The following CFAP20DC variants were observed in gnomAD, a reference collection of about 807,000 sequenced individuals.
CFAP20DC encodes the protein CFAP20 domain containing, also known as protein CFAP20DC.
Under a neutral mutation model 101.7 loss-of-function variants are expected in CFAP20DC, and 84 were observed. That is an observed-to-expected ratio of 0.83 (90% CI 0.69 to 0.99). CFAP20DC has a LOEUF of 0.99. Ranked by LOEUF, CFAP20DC falls within the 50% of genes least tolerant of loss-of-function variation. CFAP20DC has a pLI of 0.00. For missense variants in CFAP20DC, 1,007 were observed against 970.3 expected, an observed-to-expected ratio of 1.04 and a Z score of -0.50; for synonymous variants, 359 against 351.2, an observed-to-expected ratio of 1.02 and a Z score of -0.25.
intron 4 of CFAP20DC, among the ~76,000 whole-genome samples, chr3:58,968,090 T>A (rs975807941): frequency 1.2e-4 from 18 of 152,216 alleles, no homozygotes; most frequent in African/African-American, 4.3e-4. Context: ...ATGTACCACA[T>A]TTTCTTCATC....
intron 5 of CFAP20DC, among the ~76,000 whole-genome samples, chr3:58,932,242 A>G (rs1345196069): frequency 6.6e-6 from 1 of 152,150 alleles, no homozygotes; most frequent in Non-Finnish European, 1.5e-5. Flanking sequence ...AAAAAGAAAC[A>G]AACAAAGCCT....
chr3:58,739,113 G>A (rs757502280), downstream of CFAP20DC, among the ~76,000 whole-genome samples: 9 of 152,120 alleles, frequency 5.9e-5, no homozygotes, highest in African/African-American at 2.2e-4. Context: ...TGGCAAAAGT[G>A]TCTATGTATT....
At chr3:58,994,768 G>T (rs1201968042) in intron 4 of CFAP20DC, among the ~76,000 whole-genome samples, 2 of 151,560 alleles carry the variant, frequency 1.3e-5, no homozygotes, top group East Asian at 1.9e-4. Context: ...AGGAGAGAAA[G>T]GATGGTTGGA....
intron 3 of CFAP20DC, among the ~76,000 whole-genome samples, chr3:58,734,784 C>T (rs1423428643): frequency 6.6e-6 from 1 of 152,146 alleles, no homozygotes; most frequent in Non-Finnish European, 1.5e-5. Context: ...GTTTCAGTTC[C>T]TTCACAGCCC....
At chr3:58,769,010 T>G (rs1180515843) in intron 15 of CFAP20DC, among the ~76,000 whole-genome samples, 1 of 152,108 alleles carries the variant, frequency 6.6e-6, no homozygotes, top group African/African-American at 2.4e-5. Flanking sequence ...GGGATCCAAA[T>G]GGAACCGTAT....
chr3:58,795,367 G>A lies in CFAP20DC; in HGVS notation c.2237+11028C>T, dbSNP rs977270290. 2.6e-5 allele frequency among the ~76,000 whole-genome samples: 4 copies of A among 152,196 alleles called. No individual in the cohort carries two copies. The highest frequency in any genetic ancestry group is 6.5e-5 in the Admixed American group (1 of 15,282). ...AGATGTCAAGATTCTGCCAGGTGCC[G>A]TGGCTCACGCCTGTAACCCAGCCCT... On this transcript the variant is annotated intron_variant, in intron 15 of 16. Coordinates refer to ENST00000482387, the MANE Select transcript of CFAP20DC (RefSeq NM_001394063.1). This position sits in a 1 kb window ranked among gnomAD's most constrained non-coding sequence, Gnocchi z 4.2.
chr3:58,891,637 C>T (rs1456365667), intron 6 of CFAP20DC, among the ~76,000 whole-genome samples: 1 of 151,888 alleles, frequency 6.6e-6, no homozygotes, highest in African/African-American at 2.4e-5. Context: ...GTCCTTTGCC[C>T]ACTTTTTAAT....
Position 58,913,955 on chromosome 3 carries a change from G to C in CFAP20DC, c.394-91C>G, listed in dbSNP as rs1336611888. The C allele has an allele frequency of 1.5e-6, 2 of 1,352,094 alleles. No homozygotes were observed. The highest frequency in any genetic ancestry group is 2.1e-6 in the Non-Finnish European group (2 of 972,480). 83.8% of individuals were successfully genotyped at this position (1,352,094 alleles called of 1,614,324 possible). On this transcript the variant is annotated intron_variant, in intron 5 of 16. Coordinates refer to ENST00000482387, the MANE Select transcript of CFAP20DC (RefSeq NM_001394063.1). The surrounding 1 kb of genome is among the most constrained non-coding windows in gnomAD (Gnocchi z 4.4). ...ATATGTAGACATTCAAAGAGTTGAGGCAGTTATCCTGATCAACAAGCCCCA... is the reference window on the plus strand; with the variant it reads ...ATATGTAGACATTCAAAGAGTTGAGCCAGTTATCCTGATCAACAAGCCCCA...
intron 4 of CFAP20DC, among the ~76,000 whole-genome samples, chr3:58,941,635 C>A (rs1478733539): frequency 1.3e-5 from 2 of 151,794 alleles, no homozygotes; most frequent in Non-Finnish European, 2.9e-5. Flanking sequence ...GTGGCATGAT[C>A]TTGGCTCACT....
intron 4 of CFAP20DC, among the ~76,000 whole-genome samples, chr3:59,005,687 A>G (rs1450576154): frequency 6.6e-6 from 1 of 152,208 alleles, no homozygotes; most frequent in Non-Finnish European, 1.5e-5. Context: ...TTACATAACT[A>G]TCATTAGCTC....
At chr3:58,948,725 A>C (rs537402022) in intron 4 of CFAP20DC, among the ~76,000 whole-genome samples, 110 of 152,344 alleles carry the variant, frequency 7.2e-4, no homozygotes, top group African/African-American at 2.5e-3. Flanking sequence ...ATCGATGTTC[A>C]TCAGGGATAT....
chr3:58,783,925 A>T (rs2072076984), intron 15 of CFAP20DC, among the ~76,000 whole-genome samples: 1 of 152,030 alleles, frequency 6.6e-6, no homozygotes, highest in African/African-American at 2.4e-5. Context: ...TGTGATGCTG[A>T]GGTTTGGGGT....
intron 14 of CFAP20DC, among the ~76,000 whole-genome samples, chr3:58,810,982 G>C (rs1250624415): frequency 6.6e-6 from 1 of 152,050 alleles, no homozygotes; most frequent in Admixed American, 6.6e-5. Flanking sequence ...AAATACCTAG[G>C]AATCCAACTT....
chr3:58,759,565 T>C (rs1479147407), intron 15 of CFAP20DC, among the ~76,000 whole-genome samples: 1 of 152,332 alleles, frequency 6.6e-6, no homozygotes, highest in Non-Finnish European at 1.5e-5. Context: ...AATTTTGGCT[T>C]TTGTTGCCAC....
chr3:58,822,583 A>ATAAT lies in CFAP20DC; in HGVS notation c.2175+9099_2175+9102dup, dbSNP rs578109500. 8.4e-3 allele frequency among the ~76,000 whole-genome samples: 1,273 copies of ATAAT among 152,084 alleles called. 21 individuals are homozygous for ATAAT. Among genetic ancestry groups the ATAAT allele is most frequent in the African/African-American group, 0.029 (1,217 of 41,464 alleles). On this transcript the variant is annotated intron_variant, in intron 14 of 16. Coordinates refer to ENST00000482387, the MANE Select transcript of CFAP20DC (RefSeq NM_001394063.1). ...GCACATGTACCCTAAAACTTAAAGTATAATAAAAAAAAAAAAGACTATACA... is the reference window on the plus strand; with the variant it reads ...GCACATGTACCCTAAAACTTAAAGTATAATTAATAAAAAAAAAAAAGACTATACA...
chr3:58,877,894 C>T (rs1298268414), intron 7 of CFAP20DC, among the ~76,000 whole-genome samples: 1 of 152,070 alleles, frequency 6.6e-6, no homozygotes, highest in Non-Finnish European at 1.5e-5. Flanking sequence ...CAACACAGAA[C>T]ATAATACCAT....
At chr3:58,783,134 T>C (rs1281606948) in intron 15 of CFAP20DC, among the ~76,000 whole-genome samples, 1 of 151,958 alleles carries the variant, frequency 6.6e-6, no homozygotes, top group African/African-American at 2.4e-5. Flanking sequence ...ATATATTTAA[T>C]AGTCAACTGA....
At chr3:58,746,284 A>G (rs1183201083) in intron 16 of CFAP20DC, among the ~76,000 whole-genome samples, 2 of 152,210 alleles carry the variant, frequency 1.3e-5, no homozygotes, top group African/African-American at 2.4e-5. Context: ...GTAAATGATT[A>G]TAAGTGAAAC....
chr3:58,930,187 T>C (rs1347448728), intron 5 of CFAP20DC, among the ~76,000 whole-genome samples: 2 of 152,178 alleles, frequency 1.3e-5, no homozygotes, highest in Admixed American at 1.3e-4. Context: ...TCTTAGCTCA[T>C]CTGACTTTAA....
Sources: gnomAD v4.1 joint callset for allele counts (sites outside exome capture counted in the v4.1 genomes callset) on GRCh38, gnomAD v4.1.1 for gene constraint, Gnocchi (gnomAD v3.1) non-coding constraint, MANE v1.5 for transcripts, NCBI Gene and HGNC (gene_info 2026-07-23, HGNC 2026-07-21) for gene names.